GARIN1A: variants seen among roughly 807,000 people sequenced by gnomAD.
GARIN1A encodes the protein golgi associated RAB2 interactor 1A.
At chr7:128,679,038 AACAATCGTTACATTGTTATG>A in the GARIN1A span, among the ~76,000 whole-genome samples, 1 of 151,186 alleles carries the variant, frequency 6.6e-6, no homozygotes, top group Non-Finnish European at 1.5e-5. Context: ...ATACGTATGT[AACAATCGTTACATTGTTATG>A]TATTTGTAGT....
the GARIN1A span, among the ~76,000 whole-genome samples, chr7:128,700,543 G>A: frequency 6.6e-6 from 1 of 152,168 alleles, no homozygotes; most frequent in Admixed American, 6.5e-5. Flanking sequence ...GCCTCCCCAA[G>A]TGCTGGGATT....
chr7:128,678,799 CAAA>C, the GARIN1A span, among the ~76,000 whole-genome samples: 2 of 80,642 alleles, frequency 2.5e-5, no homozygotes, highest in Non-Finnish European at 5.2e-5. Context: ...AACTCCATCT[CAAA>C]AAAAAAAAAA....
chr7:128,703,489 C>G, the GARIN1A span, among the ~76,000 whole-genome samples: 2 of 152,142 alleles, frequency 1.3e-5, no homozygotes, highest in Non-Finnish European at 2.9e-5. Context: ...AACAAAAATA[C>G]GGCATATCAA....
At chr7:128,689,465 A>C in the GARIN1A span, among the ~76,000 whole-genome samples, 1 of 149,388 alleles carries the variant, frequency 6.7e-6, no homozygotes, top group Non-Finnish European at 1.5e-5. Context: ...GGAGGTGAGG[A>C]GCGTCTCTGC....
At chr7:128,691,334 C>T in the GARIN1A span, 5 of 152,172 alleles carry the variant, frequency 3.3e-5, no homozygotes, top group African/African-American at 7.2e-5. Context: ...AGTGGGAAAC[C>T]CAGGCAGGAG....
the GARIN1A span, chr7:128,675,498 C>A: frequency 1.6e-6 from 1 of 621,894 alleles, no homozygotes; most frequent in Non-Finnish European, 2.9e-6. Flanking sequence ...AGGGTTCCTG[C>A]AGCCAATGAC....
chr7:128,673,206 C>T, the GARIN1A span, among the ~76,000 whole-genome samples: 7 of 152,312 alleles, frequency 4.6e-5, no homozygotes, highest in East Asian at 1.4e-3. Flanking sequence ...CTACTGAGTG[C>T]AGGGCAGGAG....
At chr7:128,689,184 T>C in the GARIN1A span, among the ~76,000 whole-genome samples, 7 of 152,112 alleles carry the variant, frequency 4.6e-5, no homozygotes, top group Non-Finnish European at 8.8e-5. Flanking sequence ...ACCTTGGCCT[T>C]CCAAAGTGCC....
chr7:128,703,734 G>A, the GARIN1A span, among the ~76,000 whole-genome samples: 1 of 151,594 alleles, frequency 6.6e-6, no homozygotes, highest in Non-Finnish European at 1.5e-5. Context: ...CTATGATCTT[G>A]CCACTGCACT....
At chr7:128,687,431 C>G in the GARIN1A span, 6 of 152,152 alleles carry the variant, frequency 3.9e-5, no homozygotes, top group Non-Finnish European at 7.3e-5. Flanking sequence ...TGCTCTGACA[C>G]CAGAACAGCT....
the GARIN1A span, among the ~76,000 whole-genome samples, chr7:128,688,193 G>A: frequency 2.0e-5 from 3 of 152,064 alleles, no homozygotes; most frequent in African/African-American, 7.2e-5. Flanking sequence ...TGTATTTTTA[G>A]TAGAGATGGG....
At chr7:128,690,291 C>T in the GARIN1A span, among the ~76,000 whole-genome samples, 1 of 152,220 alleles carries the variant, frequency 6.6e-6, no homozygotes, top group South Asian at 2.1e-4. Flanking sequence ...GGGTCCTCTG[C>T]CTAGGAAAAC....
At chr7:128,683,165 A>C in the GARIN1A span, 1 of 1,600,322 alleles carries the variant, frequency 6.2e-7, no homozygotes, top group Non-Finnish European at 8.5e-7. Context: ...CCTGACACCT[A>C]GGCAAAACAT....
the GARIN1A span, among the ~76,000 whole-genome samples, chr7:128,698,790 G>T: frequency 5.9e-5 from 9 of 151,922 alleles, no homozygotes; most frequent in African/African-American, 1.9e-4. Flanking sequence ...TGCTGTGTTG[G>T]GGGGCAGGCT....
the GARIN1A span, chr7:128,697,394 T>C: frequency 1.3e-5 from 2 of 152,398 alleles, no homozygotes; most frequent in African/African-American, 2.4e-5. Context: ...CGGACAACTC[T>C]GAGGGCGTGG....
chr7:128,689,314 A>C, the GARIN1A span, among the ~76,000 whole-genome samples: 1 of 147,838 alleles, frequency 6.8e-6, no homozygotes, highest in African/African-American at 2.5e-5. Context: ...CTGGGAAGTG[A>C]GGAGCACCTC....
chr7:128,687,750 T>C, the GARIN1A span: 3 of 152,192 alleles, frequency 2.0e-5, no homozygotes, highest in African/African-American at 7.2e-5. Context: ...ACTGAGCCCT[T>C]CACCATGGGT....
the GARIN1A span, among the ~76,000 whole-genome samples, chr7:128,703,776 C>CA: frequency 6.7e-4 from 96 of 143,338 alleles, no homozygotes; most frequent in Middle Eastern, 3.6e-3. Flanking sequence ...CATCCTGTCT[C>CA]AAAAAAAAAA....
At chr7:128,692,929 C>G in the GARIN1A span, among the ~76,000 whole-genome samples, 2 of 152,194 alleles carry the variant, frequency 1.3e-5, no homozygotes, top group Non-Finnish European at 2.9e-5. Flanking sequence ...TGGTTCCAAT[C>G]ACTGAGAGTG....
Sources: allele counts gnomAD v4.1 joint callset (sites outside exome capture counted in the v4.1 genomes callset), GRCh38; gene constraint gnomAD v4.1.1; transcripts MANE v1.5; gene names NCBI Gene and HGNC (gene_info 2026-07-23, HGNC 2026-07-21).